Variants in LIMS1 observed in about 807,000 individuals in gnomAD.
LIMS1 encodes LIM and senescent cell antigen-like-containing domain protein 1.
In LIMS1, 18 loss-of-function variants were observed where a neutral mutation model predicts 44.1. That is an observed-to-expected ratio of 0.41 (90% confidence interval 0.28 to 0.61). The LOEUF is 0.61. LIMS1 is among the 20% of genes least tolerant of loss of function. The pLI is 0.32. For synonymous variants in LIMS1, 93 were observed against 149.1 expected (o/e 0.62, Z 2.74); for missense variants, 201 against 422.0 (o/e 0.48, Z 4.59).
At chr2:108,537,672 G>A (rs1472187861) in intron 1 of LIMS1, among the ~76,000 whole-genome samples, 1 of 152,234 alleles carries the variant, frequency 6.6e-6, no homozygotes, top group Non-Finnish European at 1.5e-5. Flanking sequence ...GGTGGTTCCG[G>A]TTTTTGCAGG....
Position 108,642,335 on chromosome 2 carries a change from G to GTTTT in LIMS1, c.33-17267_33-17264dup, listed in dbSNP as rs1332814174. Among the ~76,000 whole-genome samples the GTTTT allele has an allele frequency of 5.9e-4, 20 of 34,142 alleles. 2 individuals carry two copies. The highest frequency in any genetic ancestry group is 1.9e-3 in the African/African-American group (20 of 10,282). 22.4% of individuals were successfully genotyped at this position (34,142 alleles called of 152,430 possible). A position where few individuals can be genotyped will look rare whatever the true frequency, so the allele number is the denominator to read the frequency against. Reference sequence around the variant, plus strand: ...AGAGGAGTAATTTTAAGCTACTAGTGTTTTTTGTTTTTTTTTTTTTTTGTT... The same window carrying GTTTT: ...AGAGGAGTAATTTTAAGCTACTAGTGTTTTTTTTTTGTTTTTTTTTTTTTTTGTT... On this transcript the variant is annotated intron_variant, in intron 1 of 9. Transcript: ENST00000544547.
chr2:108,663,706 A>G (rs962452583), intron 2 of LIMS1, among the ~76,000 whole-genome samples: 1 of 151,756 alleles, frequency 6.6e-6, no homozygotes, highest in Non-Finnish European at 1.5e-5. Flanking sequence ...CTTTTTTCCC[A>G]TCACAAAATG....
intron 1 of LIMS1, among the ~76,000 whole-genome samples, chr2:108,629,259 A>G (rs1688758159): frequency 1.3e-5 from 2 of 152,344 alleles, no homozygotes; most frequent in African/African-American, 2.4e-5. Context: ...CTAATTTGTA[A>G]TGTTTCAACC....
chr2:108,680,643 T>C, intron 8 of LIMS1, 52 bp from the exon 9 acceptor site: 3 of 1,583,614 alleles, frequency 1.9e-6, no homozygotes, highest in Non-Finnish European at 2.6e-6. Flanking sequence ...GCTGCCCTGC[T>C]CCCCATACTG....
intron 2 of LIMS1, among the ~76,000 whole-genome samples, chr2:108,664,489 T>C (rs1691610174): frequency 6.6e-6 from 1 of 152,238 alleles, no homozygotes. Context: ...ATTTGGACCA[T>C]ACTAATTTGG....
chr2:108,554,756 G>A (rs757544479), intron 1 of LIMS1, among the ~76,000 whole-genome samples: 2 of 152,122 alleles, frequency 1.3e-5, no homozygotes, highest in Non-Finnish European at 2.9e-5. Context: ...CTCAGGAGGC[G>A]GCCAGACACC....
intron 1 of LIMS1, among the ~76,000 whole-genome samples, chr2:108,543,652 G>T (rs978354659): frequency 2.2e-4 from 34 of 152,292 alleles, no homozygotes; most frequent in African/African-American, 7.9e-4. Context: ...GGATCCAGAA[G>T]AAGGTCTCCA....
intron 1 of LIMS1, among the ~76,000 whole-genome samples, chr2:108,630,103 A>G (rs1326297612): frequency 6.8e-6 from 1 of 147,282 alleles, no homozygotes; most frequent in Non-Finnish European, 1.5e-5. Flanking sequence ...CTGAGGCTGG[A>G]GGATTGCTTG....
intron 2 of LIMS1, among the ~76,000 whole-genome samples, chr2:108,661,707 C>T (rs1391647533): frequency 6.6e-6 from 1 of 152,160 alleles, no homozygotes; most frequent in Non-Finnish European, 1.5e-5. Flanking sequence ...AGCCATGACT[C>T]AATTCAGTTA....
At chr2:108,545,957 T>G (rs1331132755) in intron 1 of LIMS1, among the ~76,000 whole-genome samples, 1 of 152,226 alleles carries the variant, frequency 6.6e-6, no homozygotes, top group Non-Finnish European at 1.5e-5. Context: ...GCTGCTGTAC[T>G]TCTAAAAAGA....
intron 1 of LIMS1, among the ~76,000 whole-genome samples, chr2:108,557,507 A>C (rs1684964569): frequency 6.6e-6 from 1 of 151,814 alleles, no homozygotes; most frequent in Admixed American, 6.6e-5. Flanking sequence ...CATTAATCAA[A>C]AAATAGTAGG....
At chr2:108,650,402 T>A (rs1690384457) in intron 1 of LIMS1, among the ~76,000 whole-genome samples, 1 of 150,300 alleles carries the variant, frequency 6.7e-6, no homozygotes, top group South Asian at 2.2e-4. Flanking sequence ...GCCTAAACTT[T>A]CTTTTCTTTT....
chr2:108,586,668 G>T (rs974291092), intron 1 of LIMS1, among the ~76,000 whole-genome samples: 1 of 152,166 alleles, frequency 6.6e-6, no homozygotes, highest in African/African-American at 2.4e-5. Context: ...GTTCTGCTGG[G>T]ACTCAGAAAA....
At chr2:108,606,547 G>A (rs1236620879) in intron 1 of LIMS1, among the ~76,000 whole-genome samples, 1 of 152,204 alleles carries the variant, frequency 6.6e-6, no homozygotes, top group Non-Finnish European at 1.5e-5. Flanking sequence ...TTTGTATGAA[G>A]CTTCTGAACT....
At chr2:108,664,702 T>C (rs533845871) in intron 2 of LIMS1, among the ~76,000 whole-genome samples, 1 of 152,290 alleles carries the variant, frequency 6.6e-6, no homozygotes, top group South Asian at 2.1e-4. Context: ...AGTTGAGCTA[T>C]ACTATGTTTG....
intron 1 of LIMS1, among the ~76,000 whole-genome samples, chr2:108,554,704 G>A (rs933550743): frequency 1.1e-4 from 16 of 152,226 alleles, no homozygotes; most frequent in Non-Finnish European, 1.6e-4. Context: ...TGTTCAGAGC[G>A]CAGCTGGCAA....
intron 1 of LIMS1, among the ~76,000 whole-genome samples, chr2:108,618,702 A>G (rs949595947): frequency 5.3e-5 from 8 of 151,900 alleles, no homozygotes; most frequent in Middle Eastern, 3.4e-3. Flanking sequence ...GCGCGTGCCT[A>G]TAATCCCAGC....
rs950582351 is a variant in LIMS1, at chr2:108,627,194, G to C, written c.33-32411G>C. Among the ~76,000 whole-genome samples, 5 of 152,128 alleles carry C rather than the reference G, an allele frequency of 3.3e-5. No individual in the cohort carries two copies. In the South Asian group the frequency reaches 6.2e-4, roughly 19 times the overall value. ...ACTGTCTAGGTTTGTGTATGTTTAT[G>C]TGAACATTTGTATATTTATGATGTT... On this transcript the variant is annotated intron_variant, in intron 1 of 9. Coordinates refer to ENST00000544547, the Ensembl canonical transcript of LIMS1.
chr2:108,538,233 A>G (rs146069777), intron 1 of LIMS1, among the ~76,000 whole-genome samples: 1 of 152,322 alleles, frequency 6.6e-6, no homozygotes, highest in East Asian at 1.9e-4. Context: ...TCAGCAACAG[A>G]GGTTTCCTTT....
Sources: allele counts gnomAD v4.1 joint callset (sites outside exome capture counted in the v4.1 genomes callset), GRCh38; gene constraint gnomAD v4.1.1; transcripts MANE v1.5; gene names NCBI Gene and HGNC (gene_info 2026-07-23, HGNC 2026-07-21).